The following RTF2 variants were observed in gnomAD, a reference collection of about 807,000 sequenced individuals.
The protein encoded by RTF2 is replication termination factor 2.
RTF2 carries 18 observed loss-of-function variants against 38.0 expected under a neutral mutation model. That is an observed-to-expected ratio of 0.47 (90% CI 0.33 to 0.70). The LOEUF (loss-of-function observed/expected upper bound fraction) is 0.70. RTF2 is among the 30% of genes least tolerant of loss of function. RTF2 has a pLI of 0.02. For synonymous variants in RTF2, 126 were observed against 137.1 expected (o/e 0.92, Z 0.57); for missense variants, 311 against 379.6 (o/e 0.82, Z 1.50).
At chr20:56,497,528 A>G in intron 5 of RTF2, 1 of 1,439,364 alleles carries the variant, frequency 6.9e-7, no homozygotes, top group Middle Eastern at 1.8e-4. Flanking sequence ...CAGGAGTTGG[A>G]TTCCTTAAGT....
At chr20:56,476,614 C>T (rs1239811921) in intron 3 of RTF2, among the ~76,000 whole-genome samples, 2 of 151,970 alleles carry the variant, frequency 1.3e-5, no homozygotes, top group East Asian at 3.9e-4. Context: ...ATTCTCCTGC[C>T]TCAGCCTCCC....
chr20:56,497,684 A>G, intron 5 of RTF2: 1 of 1,104,456 alleles, frequency 9.1e-7, no homozygotes, highest in Non-Finnish European at 1.2e-6. Flanking sequence ...AGAACAACAG[A>G]TACAATTTAG....
chr20:56,478,314 C>T (rs1982360370), intron 4 of RTF2, among the ~76,000 whole-genome samples: 1 of 152,058 alleles, frequency 6.6e-6, no homozygotes, highest in African/African-American at 2.4e-5. Flanking sequence ...CATAGTGAGA[C>T]CCTGTCTTTA....
At chr20:56,506,460 G>C (rs1228183752) in intron 5 of RTF2, among the ~76,000 whole-genome samples, 1 of 152,060 alleles carries the variant, frequency 6.6e-6, no homozygotes, top group Non-Finnish European at 1.5e-5. Flanking sequence ...GGAAGCCACT[G>C]TTCCATTTGT....
At chr20:56,494,256 T>G (rs1983362459) in intron 5 of RTF2, among the ~76,000 whole-genome samples, 1 of 152,240 alleles carries the variant, frequency 6.6e-6, no homozygotes, top group Non-Finnish European at 1.5e-5. Flanking sequence ...CTGAAGTATT[T>G]ACTTTTAGGG....
chr20:56,476,833 T>C (rs1982271150), intron 3 of RTF2, 152 bp from the exon 4 acceptor site: 1 of 696,978 alleles, frequency 1.4e-6, no homozygotes, highest in African/African-American at 1.8e-5. Context: ...TTTAATATTA[T>C]ATCCATGTTT....
chr20:56,476,959 G>T lies in RTF2; in HGVS notation c.259-26G>T, dbSNP rs1020771781. 9 of 1,611,300 alleles carry T rather than the reference G, an allele frequency of 5.6e-6. No individual in the cohort carries two copies. The African/African-American group carries it at 1.1e-4, about 19-fold the overall frequency. On this transcript the variant is annotated intron_variant, in intron 3 of 8. Coordinates refer to ENST00000357348, the MANE Select transcript of RTF2 (RefSeq NM_016407.5). Reference sequence around the variant, plus strand: ...GGATGATCTGTTTATCAAATGAATTGTTAAAATATTAATGGTTTTTCCCAG... The same window carrying T: ...GGATGATCTGTTTATCAAATGAATTTTTAAAATATTAATGGTTTTTCCCAG...
intron 4 of RTF2, among the ~76,000 whole-genome samples, chr20:56,481,311 A>T (rs1364369986): frequency 6.6e-6 from 1 of 152,222 alleles, no homozygotes. Context: ...GTGTACATGG[A>T]CACCCTCTCA....
intron 5 of RTF2, among the ~76,000 whole-genome samples, chr20:56,502,894 T>A (rs547010164): frequency 1.3e-5 from 2 of 152,146 alleles, no homozygotes; most frequent in East Asian, 3.9e-4. Flanking sequence ...CACTTACGAG[T>A]CTGTTGGGCA....
At chr20:56,473,470 C>T (rs1159735655) in intron 2 of RTF2, 75 bp downstream of exon 2, 1 of 1,098,884 alleles carries the variant, frequency 9.1e-7, no homozygotes, top group East Asian at 2.4e-5. Context: ...TGCAGTTTTC[C>T]ATTCATCAAG....
intron 5 of RTF2, chr20:56,496,966 T>A: frequency 6.4e-7 from 1 of 1,551,784 alleles, no homozygotes; most frequent in Non-Finnish European, 8.7e-7. Flanking sequence ...ATGATTTCTC[T>A]GTTGGTTTTG....
chr20:56,481,358 A>G (rs374504026), intron 4 of RTF2, among the ~76,000 whole-genome samples: 141 of 152,306 alleles, frequency 9.3e-4, no homozygotes, highest in African/African-American at 3.2e-3. Flanking sequence ...AGACTGTGCG[A>G]GGGGAACTAA....
At chr20:56,515,597 G>GACACACACACAC (rs1489597042) in intron 6 of RTF2, 1 of 41,798 alleles carries the variant, frequency 2.4e-5, no homozygotes, top group Non-Finnish European at 5.2e-5. Context: ...GAGAGAGAGA[G>GACACACACACAC]AGACACACAC....
chr20:56,497,415 TA>T (rs764347729), intron 5 of RTF2: 76 of 1,548,950 alleles, frequency 4.9e-5, no homozygotes, highest in Middle Eastern at 3.3e-4. Context: ...TTTTGCAATT[TA>T]GGGGGCCGCC....
intron 5 of RTF2, among the ~76,000 whole-genome samples, chr20:56,485,228 G>A (rs986833294): frequency 9.2e-5 from 14 of 152,296 alleles, no homozygotes; most frequent in Non-Finnish European, 1.8e-4. Context: ...GCTGAGACCC[G>A]AAGGGCACGA....
intron 5 of RTF2, among the ~76,000 whole-genome samples, chr20:56,506,258 A>T (rs1984262560): frequency 6.6e-6 from 1 of 152,160 alleles, no homozygotes; most frequent in South Asian, 2.1e-4. Context: ...AGTGGAGGAA[A>T]CACACTGTTT....
intron 5 of RTF2, among the ~76,000 whole-genome samples, chr20:56,511,539 A>G (rs1323527709): frequency 1.3e-5 from 2 of 152,070 alleles, no homozygotes; most frequent in Non-Finnish European, 1.5e-5. Context: ...TTTCCTATAA[A>G]TTATTCTTCT....
chr20:56,493,885 T>C (rs1046587307), intron 5 of RTF2, among the ~76,000 whole-genome samples: 48 of 152,308 alleles, frequency 3.2e-4, no homozygotes, highest in African/African-American at 1.1e-3. Flanking sequence ...TCTAATGGGA[T>C]AGCTGTTCTT....
At position 56,497,105 on chromosome 20, in the gene RTF2, G is replaced by GGA. The variant is rs762987815; in HGVS notation, c.477+12918_477+12919dup. On this transcript the variant is annotated intron_variant, in intron 5 of 8. Transcript: ENST00000357348. ...CAGCATAAGCCACCTTCTCTGTCTT[G>GGA]GAGGAAATAAAAACGTTTTCAAAAC... 4 of 1,551,590 alleles carry GGA rather than the reference G, an allele frequency of 2.6e-6. No homozygotes were observed. In the South Asian group the frequency reaches 4.8e-5, roughly 18 times the overall value.
Sources: allele counts gnomAD v4.1 joint callset (sites outside exome capture counted in the v4.1 genomes callset), GRCh38; gene constraint gnomAD v4.1.1; transcripts MANE v1.5; gene names NCBI Gene and HGNC (gene_info 2026-07-23, HGNC 2026-07-21).